Variants in ADCY1 observed in about 807,000 individuals in gnomAD.
The protein encoded by ADCY1 is adenylate cyclase 1, also known as adenylate cyclase type 1.
In ADCY1, 28 loss-of-function variants were observed where a neutral mutation model predicts 105.4. The observed-to-expected ratio is 0.27, with a 90% CI of 0.20 to 0.36. ADCY1 has a LOEUF of 0.36. ADCY1 is among the 10% of genes least tolerant of loss of function. The pLI is 1.00. For synonymous variants in ADCY1, 655 were observed against 623.8 expected (o/e 1.05, Z -0.75); for missense variants, 977 against 1,434.2 (o/e 0.68, Z 5.15).
At chr7:45,589,382 G>A (rs1792837503) in intron 1 of ADCY1, among the ~76,000 whole-genome samples, 1 of 152,184 alleles carries the variant, frequency 6.6e-6, no homozygotes, top group South Asian at 2.1e-4. Flanking sequence ...GCTGTGGTGG[G>A]GAGGCCGCCT....
chr7:45,654,242 C>T (rs1333011046), intron 5 of ADCY1, among the ~76,000 whole-genome samples: 4 of 152,250 alleles, frequency 2.6e-5, no homozygotes, highest in Admixed American at 2.0e-4. Context: ...AAGCCTTGTT[C>T]GTCACAGGTG....
At chr7:45,650,143 A>G (rs370640255) in intron 5 of ADCY1, among the ~76,000 whole-genome samples, 2 of 152,172 alleles carry the variant, frequency 1.3e-5, no homozygotes, top group Admixed American at 1.3e-4. Context: ...ATCACCTTAC[A>G]TCATGTATCA....
chr7:45,646,644 G>T (rs1217716086), intron 4 of ADCY1, among the ~76,000 whole-genome samples: 1 of 152,228 alleles, frequency 6.6e-6, no homozygotes, highest in Non-Finnish European at 1.5e-5. Flanking sequence ...TGGGTGGAGT[G>T]GACCTACCTA....
intron 11 of ADCY1, among the ~76,000 whole-genome samples, chr7:45,682,163 G>T (rs1325209869): frequency 6.6e-6 from 1 of 152,192 alleles, no homozygotes; most frequent in Non-Finnish European, 1.5e-5. Context: ...CACAGCACAC[G>T]CTCAGTTGGA....
At chr7:45,675,526 G>T (rs1784440314) in intron 8 of ADCY1, among the ~76,000 whole-genome samples, 2 of 151,870 alleles carry the variant, frequency 1.3e-5, no homozygotes, top group African/African-American at 4.8e-5. Flanking sequence ...TTTGTTTCAA[G>T]AATTTCTTTT....
Position 45,657,892 on chromosome 7 carries a change from C to A in ADCY1, c.1307+7C>A, listed in dbSNP as rs375438778. 7 of 320,998 alleles carry A rather than the reference C, an allele frequency of 2.2e-5. No individual in the cohort carries two copies. The highest frequency in any genetic ancestry group is 3.6e-5 in the Non-Finnish European group (6 of 166,086). 19.9% of individuals were successfully genotyped at this position (320,998 alleles called of 1,614,324 possible). A position where few individuals can be genotyped will look rare whatever the true frequency, so the allele number is the denominator to read the frequency against. ...AAGCCGCTGGCCTGCCAGGGTAAGT[C>A]GGGGATGGGGTGGGGAGGGGAGGGA... is the stretch of plus-strand genomic sequence containing the variant. On this transcript the variant is annotated splice_region_variant and intron_variant, in intron 6 of 19. Transcript: ENST00000297323.
chr7:45,578,288 T>C (rs1792412273), intron 1 of ADCY1, among the ~76,000 whole-genome samples: 1 of 152,192 alleles, frequency 6.6e-6, no homozygotes, highest in African/African-American at 2.4e-5. Context: ...TGTTCCTACC[T>C]GGGCCGGCAC....
Position 45,586,294 on chromosome 7 carries a change from G to A in ADCY1, c.640-6465G>A, listed in dbSNP as rs78226268. 8.1e-3 allele frequency among the ~76,000 whole-genome samples: 1,240 copies of A among 152,214 alleles called. 67 individuals carry two copies. The East Asian group carries it at 0.13, about 16-fold the overall frequency. On this transcript the variant is annotated intron_variant, in intron 1 of 19. Transcript: ENST00000297323. ...TGGTTACACAGGAAGCACCAAAGACGGCTGCTTCTCCAGGTCCCCGTGAGA... is the reference window on the plus strand; with the variant it reads ...TGGTTACACAGGAAGCACCAAAGACAGCTGCTTCTCCAGGTCCCCGTGAGA...
intron 11 of ADCY1, chr7:45,680,233 G>T: frequency 4.5e-6 from 1 of 224,474 alleles, no homozygotes; most frequent in Non-Finnish European, 9.0e-6. Context: ...GAGTCTAGCA[G>T]CAGGACAGAA....
rs1189707139 is a variant in ADCY1, at chr7:45,711,644, T to TATATATATATAC, written c.3057+993_3057+994insTATATATATACA. Among the ~76,000 whole-genome samples the TATATATATATAC allele has an allele frequency of 9.3e-4, 48 of 51,418 alleles. 1 individual carries two copies. Among genetic ancestry groups the TATATATATATAC allele is most frequent in the South Asian group, 2.5e-3 (3 of 1,220 alleles). 33.7% of individuals were successfully genotyped at this position (51,418 alleles called of 152,430 possible). ...ATATATATATATATATATATATATA[T>TATATATATATAC]ACACACACACACGTATGTATACACA... On this transcript the variant is annotated intron_variant, in intron 19 of 19. Transcript: ENST00000297323.
intron 12 of ADCY1, among the ~76,000 whole-genome samples, chr7:45,685,555 TA>T (rs1784654717): frequency 7.0e-6 from 1 of 142,198 alleles, no homozygotes; most frequent in African/African-American, 2.7e-5. Flanking sequence ...AGGACGGAGC[TA>T]GGGGCATGAT....
At chr7:45,590,133 C>T (rs1562676227) in intron 1 of ADCY1, among the ~76,000 whole-genome samples, 1 of 152,160 alleles carries the variant, frequency 6.6e-6, no homozygotes, top group Non-Finnish European at 1.5e-5. Context: ...CCTCCACGGG[C>T]TGCTAGCCCA....
At chr7:45,684,162 T>C (rs975324338) in intron 11 of ADCY1, among the ~76,000 whole-genome samples, 2 of 152,248 alleles carry the variant, frequency 1.3e-5, no homozygotes, top group Non-Finnish European at 1.5e-5. Flanking sequence ...CAATGGTATC[T>C]TGGGACTTGG....
intron 8 of ADCY1, among the ~76,000 whole-genome samples, chr7:45,672,317 A>G (rs1784382395): frequency 6.6e-6 from 1 of 152,202 alleles, no homozygotes; most frequent in Non-Finnish European, 1.5e-5. Flanking sequence ...TCTGTCTGCC[A>G]ACACCATACT....
At chr7:45,697,625 G>A (rs947120136) in intron 14 of ADCY1, among the ~76,000 whole-genome samples, 7 of 152,104 alleles carry the variant, frequency 4.6e-5, no homozygotes, top group Non-Finnish European at 8.8e-5. Flanking sequence ...CCTGACCTTA[G>A]ATGATCTGCC....
chr7:45,676,925 T>C (rs187173816), intron 8 of ADCY1, among the ~76,000 whole-genome samples: 20 of 152,078 alleles, frequency 1.3e-4, no homozygotes, highest in African/African-American at 4.3e-4. Context: ...CCTTTTTTTT[T>C]CTTTGGCTAG....
At chr7:45,645,745 G>A (rs1177729666) in intron 4 of ADCY1, among the ~76,000 whole-genome samples, 1 of 152,146 alleles carries the variant, frequency 6.6e-6, no homozygotes, top group Non-Finnish European at 1.5e-5. Context: ...GAGATGCAGG[G>A]ATGATCAGGG....
chr7:45,592,743 C>T lies in ADCY1; in HGVS notation c.640-16C>T, dbSNP rs756054223. The T allele has an allele frequency of 6.2e-7, 1 of 1,613,812 alleles. No homozygotes were observed. The highest frequency in any genetic ancestry group is 8.5e-7 in the Non-Finnish European group (1 of 1,179,838). Reference sequence around the variant, plus strand: ...GGATGTCAGGCTCCACATGTTGCCTCCTTCTCTCCCTGCAGCTCGGTGCCA... The same window carrying T: ...GGATGTCAGGCTCCACATGTTGCCTTCTTCTCTCCCTGCAGCTCGGTGCCA... On this transcript the variant is annotated splice_polypyrimidine_tract_variant and intron_variant, in intron 1 of 19. Transcript: ENST00000297323.
At chr7:45,578,144 G>C (rs1470386951) in intron 1 of ADCY1, among the ~76,000 whole-genome samples, 1 of 152,188 alleles carries the variant, frequency 6.6e-6, no homozygotes, top group East Asian at 1.9e-4. Flanking sequence ...GGGGGGCAGA[G>C]GAGAGAACGC....
Sources: gnomAD v4.1 joint callset for allele counts (sites outside exome capture counted in the v4.1 genomes callset) on GRCh38, gnomAD v4.1.1 for gene constraint, MANE v1.5 for transcripts, NCBI Gene and HGNC (gene_info 2026-07-23, HGNC 2026-07-21) for gene names.